LONRF3: variants seen among roughly 807,000 people sequenced by gnomAD.
LONRF3 encodes the protein LON peptidase N-terminal domain and ring finger 3.
LONRF3 carries 19 observed loss-of-function variants against 51.7 expected under a neutral mutation model. The ratio of observed to expected loss-of-function variants is 0.37; its 90% CI spans 0.26 to 0.54. The LOEUF is 0.54. LONRF3 is among the 20% of genes least tolerant of loss of function. LONRF3 has a pLI of 0.86. For synonymous variants in LONRF3, 265 were observed against 257.8 expected, an observed-to-expected ratio of 1.03 and a Z score of -0.27; for missense variants, 521 against 623.9, an observed-to-expected ratio of 0.84 and a Z score of 1.76.
At chrX:118,977,972 C>T (rs776597808) in intron 1 of LONRF3, among the ~76,000 whole-genome samples, 1 of 111,607 alleles carries the variant, frequency 9.0e-6, no homozygotes, top group East Asian at 2.8e-4. Context: ...ACCTCTCTCT[C>T]CTTCCTACCT....
intron 5 of LONRF3, among the ~76,000 whole-genome samples, chrX:118,999,621 T>C (rs1415770432): frequency 1.8e-5 from 2 of 112,157 alleles, no homozygotes; most frequent in African/African-American, 6.5e-5. Context: ...TAAGTTCTTT[T>C]GTTCCTCTGC....
At chrX:118,979,695 G>A (rs1922406626) in intron 2 of LONRF3, among the ~76,000 whole-genome samples, 1 of 111,878 alleles carries the variant, frequency 8.9e-6, no homozygotes, top group Non-Finnish European at 1.9e-5. Flanking sequence ...TCTACTGATA[G>A]GCTCCTTGGC....
rs757897639 is a variant in LONRF3, at chrX:119,000,169, T to A, written c.1416-5952T>A. Among the ~76,000 whole-genome samples the A allele has an allele frequency of 1.8e-4, 20 of 111,004 alleles. No individual in the cohort carries two copies. In the South Asian group the frequency reaches 2.3e-3, roughly 13 times the overall value. Reference sequence around the variant, plus strand: ...ACCCTCATGTGTCCTTGGGGGAGAGTGTCTGAGAGTAAAGAAAGTGTCTGA... The same window carrying A: ...ACCCTCATGTGTCCTTGGGGGAGAGAGTCTGAGAGTAAAGAAAGTGTCTGA... On this transcript the variant is annotated intron_variant, in intron 5 of 10. Coordinates refer to ENST00000371628, the MANE Select transcript of LONRF3 (RefSeq NM_001031855.3).
At chrX:119,009,312 A>G in intron 7 of LONRF3, 65 bp downstream of exon 7, 1 of 1,047,264 alleles carries the variant, frequency 9.5e-7, no homozygotes, top group Non-Finnish European at 1.3e-6. Flanking sequence ...GAATGTGCAC[A>G]TTACTTCCCA....
intron 3 of LONRF3, among the ~76,000 whole-genome samples, chrX:118,986,529 A>G (rs5910471): frequency 0.15 from 16,581 of 111,235 alleles, 1,104 homozygotes; most frequent in South Asian, 0.22. Context: ...TCCTGACTTT[A>G]CCTCTCTGTC....
Position 118,989,403 on chromosome X carries a change from T to C in LONRF3, c.1060-5T>C. On this transcript the variant is annotated splice_polypyrimidine_tract_variant and splice_region_variant and intron_variant, in intron 3 of 10. Transcript: ENST00000371628. ...ATTCTGATATGTGGCCCTTTCTTCA[T>C]CCAGGACAATCTGGAGCTCCCACAT... 1 of 1,210,119 alleles carries C rather than the reference T, an allele frequency of 8.3e-7. No individual in the cohort carries two copies. Among genetic ancestry groups the C allele is most frequent in the Non-Finnish European group, 1.1e-6 (1 of 894,811 alleles).
Position 119,017,691 on chromosome X carries a change from T to C in LONRF3, c.*1T>C, listed in dbSNP as rs1222495247. ...CTTCATATCCCGAAACCAAAACTAG[T>C]GAGTGGATTGCCGAAGAGGAGCTCC... On this transcript the variant is annotated 3_prime_UTR_variant, in exon 11 of 11. Transcript: ENST00000371628. 4 of 1,182,041 alleles carry C rather than the reference T, an allele frequency of 3.4e-6. No homozygotes were observed. In the South Asian group the frequency reaches 7.8e-5, roughly 23 times the overall value.
At chrX:118,980,671 A>G (rs1353194838) in intron 2 of LONRF3, among the ~76,000 whole-genome samples, 2 of 111,283 alleles carry the variant, frequency 1.8e-5, no homozygotes, top group East Asian at 5.6e-4. Context: ...CCAGTGTCTT[A>G]ACCCAAAGGA....
intron 5 of LONRF3, among the ~76,000 whole-genome samples, chrX:118,995,529 T>C (rs953536382): frequency 2.7e-5 from 3 of 111,102 alleles, no homozygotes; most frequent in African/African-American, 9.8e-5. Context: ...ACAACAACAA[T>C]ACAAAAGATA....
intron 3 of LONRF3, among the ~76,000 whole-genome samples, chrX:118,983,931 G>A (rs1164335603): frequency 8.9e-6 from 1 of 112,247 alleles, no homozygotes; most frequent in East Asian, 2.8e-4. Context: ...ATTGGTTTGA[G>A]TATGTGAAAA....
chrX:118,994,609 G>A (rs1183653072), intron 5 of LONRF3, among the ~76,000 whole-genome samples: 1 of 110,670 alleles, frequency 9.0e-6, no homozygotes, highest in African/African-American at 3.3e-5. Flanking sequence ...CACCATGTTG[G>A]TCAGGCTGGT....
In LONRF3 at chrX:119,008,258, A is replaced by G. The variant is rs1449087896; in HGVS notation, c.1531-868A>G. Among the ~76,000 whole-genome samples, 4 of 112,594 alleles carry G rather than the reference A, an allele frequency of 3.6e-5. No homozygotes were observed. In the Admixed American group the frequency reaches 3.8e-4, roughly 11 times the overall value. On this transcript the variant is annotated intron_variant, in intron 6 of 10. Transcript: ENST00000371628. ...ACTGCAGAATAGAGACACAGCCCAT[A>G]CTGAGAAAGGAACAAAATTGTTTGA...
At chrX:118,993,120 AC>A (rs1411766626) in intron 5 of LONRF3, among the ~76,000 whole-genome samples, 16 of 71,833 alleles carry the variant, frequency 2.2e-4, no homozygotes, top group South Asian at 7.0e-4. Flanking sequence ...TTATTCTAAC[AC>A]CCCCCCCCAA....
In LONRF3 at chrX:119,018,082, A is replaced by C. The variant is rs1347904694; in HGVS notation, c.*392A>C. On this transcript the variant is annotated 3_prime_UTR_variant, in exon 11 of 11. Coordinates refer to ENST00000371628, the MANE Select transcript of LONRF3 (RefSeq NM_001031855.3). ...ACTAATAATGTTGCTGTATAATTTC[A>C]CTGACTTGAGGTCTCATTCCAAATG... is the stretch of plus-strand genomic sequence containing the variant. 1 of 117,115 alleles carries C rather than the reference A, an allele frequency of 8.5e-6. No homozygotes were observed. The highest frequency in any genetic ancestry group is 1.8e-5 in the Non-Finnish European group (1 of 56,458). The allele number at this position is 117,115 out of a possible 1,213,427, so 9.7% of individuals were successfully genotyped here.
At chrX:118,982,438 G>A (rs971444609) in intron 2 of LONRF3, among the ~76,000 whole-genome samples, 3 of 111,410 alleles carry the variant, frequency 2.7e-5, no homozygotes, top group Non-Finnish European at 5.7e-5. Flanking sequence ...GCATACCTGG[G>A]CAGGCCCTGA....
intron 5 of LONRF3, among the ~76,000 whole-genome samples, chrX:118,994,653 G>A (rs1437629923): frequency 1.9e-4 from 21 of 110,983 alleles, no homozygotes; most frequent in Admixed American, 4.8e-4. Context: ...CACCCACCTC[G>A]GCCTCCCAAA....
intron 3 of LONRF3, among the ~76,000 whole-genome samples, chrX:118,984,742 T>A (rs1922828297): frequency 8.9e-6 from 1 of 111,924 alleles, no homozygotes; most frequent in African/African-American, 3.3e-5. Context: ...GTTACAGAGT[T>A]CTGAAGTGAG....
At chrX:118,982,484 C>G (rs998706089) in intron 2 of LONRF3, among the ~76,000 whole-genome samples, 1 of 111,525 alleles carries the variant, frequency 9.0e-6, no homozygotes, top group Non-Finnish European at 1.9e-5. Context: ...GGGGTTCTTG[C>G]TACATTTGAT....
chrX:119,009,052 T>A (rs1196130698), intron 6 of LONRF3, 74 bp from the exon 7 acceptor site: 8 of 939,519 alleles, frequency 8.5e-6, no homozygotes, highest in Non-Finnish European at 1.0e-5. Context: ...TGTTCACTGA[T>A]TACATCAGAA....
Sources: allele counts gnomAD v4.1 joint callset (sites outside exome capture counted in the v4.1 genomes callset), GRCh38; gene constraint gnomAD v4.1.1; transcripts MANE v1.5; gene names NCBI Gene and HGNC (gene_info 2026-07-23, HGNC 2026-07-21).